Variants in MPDZ observed in about 807,000 individuals in gnomAD.
MPDZ encodes the protein multiple PDZ domain crumbs cell polarity complex component.
Under a neutral mutation model 239.1 loss-of-function variants are expected in MPDZ, and 234 were observed. The observed-to-expected ratio is 0.98, with a 90% CI of 0.88 to 1.09. The LOEUF (loss-of-function observed/expected upper bound fraction) is 1.09, where lower values mean the gene tolerates loss of function less well. Among genes scored for constraint, MPDZ ranks in the 50% least tolerant of loss-of-function variants. MPDZ has a pLI of 0.00. For missense variants in MPDZ, 3,175 were observed against 2,510.0 expected, an observed-to-expected ratio of 1.26 and a Z score of -5.66; for synonymous variants, 1,048 against 881.3, an observed-to-expected ratio of 1.19 and a Z score of -3.35.
chr9:13,122,525 T>G (rs985313661), intron 36 of MPDZ, among the ~76,000 whole-genome samples: 2 of 147,542 alleles, frequency 1.4e-5, no homozygotes, highest in Non-Finnish European at 3.0e-5. Flanking sequence ...TTCAAACTCT[T>G]TTTTTTTTTT....
chr9:13,168,343 A>G (rs1286518710), intron 22 of MPDZ, 23 bp downstream of exon 22: 1 of 1,600,238 alleles, frequency 6.2e-7, no homozygotes, highest in Non-Finnish European at 8.5e-7. Context: ...CCCAAGTTAA[A>G]CTGGGCTTCA....
At chr9:13,220,953 C>A (rs1056392481) in intron 7 of MPDZ, among the ~76,000 whole-genome samples, 6 of 151,836 alleles carry the variant, frequency 4.0e-5, no homozygotes, top group Admixed American at 3.9e-4. Flanking sequence ...TACCAATGAC[C>A]CATCACTAAA....
intron 8 of MPDZ, among the ~76,000 whole-genome samples, chr9:13,219,204 C>T (rs766985310): frequency 6.6e-6 from 1 of 151,830 alleles, no homozygotes; most frequent in South Asian, 2.1e-4. Flanking sequence ...TATGACCCAC[C>T]TTACAGAGAG....
At chr9:13,259,303 C>T (rs1970131351) in intron 1 of MPDZ, among the ~76,000 whole-genome samples, 1 of 151,856 alleles carries the variant, frequency 6.6e-6, no homozygotes, top group South Asian at 2.1e-4. Flanking sequence ...CACCACACTC[C>T]AGCCTGGGCA....
chr9:13,275,694 T>A (rs77693269), intron 1 of MPDZ, among the ~76,000 whole-genome samples: 8,614 of 152,240 alleles, frequency 0.057, 549 homozygotes, highest in East Asian at 0.19. Context: ...GAAATGTGAC[T>A]TGGGTTATTG....
At chr9:13,194,578 G>T (rs1269946799) in intron 13 of MPDZ, among the ~76,000 whole-genome samples, 1 of 152,014 alleles carries the variant, frequency 6.6e-6, no homozygotes, top group Admixed American at 6.6e-5. Flanking sequence ...AGAGCATTAG[G>T]ATAAATACCT....
intron 13 of MPDZ, 55 bp downstream of exon 13, chr9:13,196,066 T>A: frequency 8.4e-7 from 1 of 1,188,348 alleles, no homozygotes; most frequent in Non-Finnish European, 1.2e-6. Flanking sequence ...TCCCTCGAAC[T>A]GCCTGCTCAA....
chr9:13,152,604 C>T (rs898331844), intron 24 of MPDZ, among the ~76,000 whole-genome samples: 3 of 151,966 alleles, frequency 2.0e-5, no homozygotes, highest in African/African-American at 7.2e-5. Context: ...GTAAATTCCC[C>T]AGTCTCGGGG....
chr9:13,249,918 C>A (rs1967476734), intron 2 of MPDZ, among the ~76,000 whole-genome samples: 1 of 152,172 alleles, frequency 6.6e-6, no homozygotes, highest in Non-Finnish European at 1.5e-5. Flanking sequence ...AGAACTTCAC[C>A]TGCCAGAAGT....
intron 15 of MPDZ, among the ~76,000 whole-genome samples, chr9:13,191,763 C>T (rs1954963903): frequency 6.6e-6 from 1 of 151,982 alleles, no homozygotes; most frequent in Non-Finnish European, 1.5e-5. Flanking sequence ...CAAATGGAGA[C>T]GAATATGAGC....
intron 10 of MPDZ, among the ~76,000 whole-genome samples, chr9:13,210,684 G>C (rs1179417389): frequency 6.6e-6 from 1 of 152,044 alleles, no homozygotes; most frequent in Non-Finnish European, 1.5e-5. Flanking sequence ...AAGTCATTTT[G>C]AAACCTACTA....
intron 34 of MPDZ, 117 bp from the exon 35 acceptor site, chr9:13,125,507 A>G: frequency 1.1e-6 from 1 of 881,404 alleles, no homozygotes; most frequent in Non-Finnish European, 1.7e-6. Context: ...GGAGGGACAG[A>G]TGCAAATTAT....
intron 39 of MPDZ, among the ~76,000 whole-genome samples, chr9:13,118,257 T>C (rs1943802410): frequency 6.6e-6 from 1 of 152,222 alleles, no homozygotes; most frequent in South Asian, 2.1e-4. Context: ...TTGTTTTTAA[T>C]GTGTCTCCAA....
chr9:13,164,946 T>C (rs374289700), intron 22 of MPDZ, among the ~76,000 whole-genome samples: 60 of 151,510 alleles, frequency 4.0e-4, no homozygotes, highest in African/African-American at 1.3e-3. Flanking sequence ...TATTTGAGAG[T>C]TGAATTAAAA....
At chr9:13,178,816 G>A (rs1952869052) in intron 19 of MPDZ, among the ~76,000 whole-genome samples, 1 of 152,272 alleles carries the variant, frequency 6.6e-6, no homozygotes, top group East Asian at 1.9e-4. Flanking sequence ...TTGTCGTGCA[G>A]AAGTTAAATT....
At chr9:13,210,291 A>G (rs371408543) in intron 10 of MPDZ, among the ~76,000 whole-genome samples, 10 of 152,246 alleles carry the variant, frequency 6.6e-5, no homozygotes, top group African/African-American at 2.2e-4. Flanking sequence ...TTAATATCCT[A>G]TATCAAAGCA....
chr9:13,189,019 C>A, intron 16 of MPDZ, 26 bp from the exon 17 acceptor site: 1 of 1,592,884 alleles, frequency 6.3e-7, no homozygotes, highest in Admixed American at 1.7e-5. Flanking sequence ...AGGAAAGAGT[C>A]AGCTCATTTT....
chr9:13,233,284 T>G (rs367814919), intron 3 of MPDZ, among the ~76,000 whole-genome samples: 9 of 152,058 alleles, frequency 5.9e-5, no homozygotes, highest in African/African-American at 2.2e-4. Flanking sequence ...AGCCAAAAGC[T>G]GCAATCAACA....
chr9:13,143,660 T>G, intron 26 of MPDZ, 96 bp from the exon 27 acceptor site: 1 of 899,288 alleles, frequency 1.1e-6, no homozygotes, highest in East Asian at 2.4e-5. Context: ...AAGAACTGCC[T>G]GTGTGAAACT....
Sources: allele counts gnomAD v4.1 joint callset (sites outside exome capture counted in the v4.1 genomes callset), GRCh38; gene constraint gnomAD v4.1.1; transcripts MANE v1.5; gene names NCBI Gene and HGNC (gene_info 2026-07-23, HGNC 2026-07-21).